MYBPC2: variants seen among roughly 807,000 people sequenced by gnomAD.
MYBPC2 encodes myosin-binding protein C, fast-type.
Under a neutral mutation model 137.0 loss-of-function variants are expected in MYBPC2, and 122 were observed. That is an observed-to-expected ratio of 0.89 (90% CI 0.77 to 1.03). The LOEUF is 1.03. MYBPC2 is among the 50% of genes least tolerant of loss of function. The probability of loss-of-function intolerance (pLI) is 0.00; values close to 1 mark genes in which losing one functional copy is unlikely to be tolerated. For synonymous variants in MYBPC2, 626 were observed against 612.3 expected (o/e 1.02, Z -0.33); for missense variants, 1,500 against 1,534.4 (o/e 0.98, Z 0.37).
intron 17 of MYBPC2, 40 bp from the exon 18 acceptor site, chr19:50,454,225 G>A: frequency 6.2e-7 from 1 of 1,613,806 alleles, no homozygotes; most frequent in South Asian, 1.1e-5. Context: ...GTGACTCCCT[G>A]AGGCCTCGAG....
chr19:50,451,427 G>C, intron 15 of MYBPC2, 118 bp downstream of exon 15: 1 of 961,950 alleles, frequency 1.0e-6, no homozygotes. Context: ...GGGTGCGGGA[G>C]GATGAGTGGG....
In MYBPC2 at chr19:50,464,102, TACAA is replaced by T. The variant is rs1164825717; in HGVS notation, c.3229-240_3229-237del. The T allele has an allele frequency of 1.4e-5, 6 of 433,862 alleles. No homozygotes were observed. The Admixed American group carries it at 2.3e-4, about 17-fold the overall frequency. The allele number at this position is 433,862 out of a possible 1,614,324, so 26.9% of individuals were successfully genotyped here. ...AAGAGTGTGGGACCCTGTGGGCCAC[TACAA>T]ACAGTGAGCTCTTTGTCCTGAGAGC... On this transcript the variant is annotated intron_variant, in intron 26 of 27. Transcript: ENST00000357701.
intron 14 of MYBPC2, 49 bp downstream of exon 14, chr19:50,450,984 G>A (rs899686493): frequency 1.3e-5 from 20 of 1,496,956 alleles, no homozygotes; most frequent in South Asian, 2.4e-5. Flanking sequence ...ATCCACCCTC[G>A]CAGACCCAGG....
In MYBPC2 at chr19:50,452,492, GTATGTATGTATGTATGTATC is replaced by G. The variant is rs1255507325; in HGVS notation, c.1749+493_1749+512del. Among the ~76,000 whole-genome samples, 528 of 123,092 alleles carry G rather than the reference GTATGTATGTATGTATGTATC, an allele frequency of 4.3e-3. 2 individuals carry two copies. The highest frequency in any genetic ancestry group is 0.01 in the African/African-American group (350 of 34,648). 80.8% of individuals were successfully genotyped at this position (123,092 alleles called of 152,430 possible). A position where few individuals can be genotyped will look rare whatever the true frequency, so the allele number is the denominator to read the frequency against. ...TGTATGTATGTATGTATGTATGTATGTATGTATGTATGTATGTATCTATCTATCTATCTATCTATCTATCT... is the reference window on the plus strand; with the variant it reads ...TGTATGTATGTATGTATGTATGTATGTATCTATCTATCTATCTATCTATCT... On this transcript the variant is annotated intron_variant, in intron 16 of 27. Coordinates refer to ENST00000357701, the MANE Select transcript of MYBPC2 (RefSeq NM_004533.4).
At chr19:50,458,858 T>A (rs751893892) in intron 21 of MYBPC2, 60 bp from the exon 22 acceptor site, 348 of 1,595,174 alleles carry the variant, frequency 2.2e-4, no homozygotes, top group Non-Finnish European at 2.8e-4. Context: ...TTATCACCAT[T>A]GGCCCCTGGA....
rs761860300 is a variant in MYBPC2 at position 50,455,282 on chromosome 19, C to T, written c.2189C>T (p.Pro730Leu). The change falls in exon 19 of 28, where the codon CCT becomes CTT. Residue 730 changes from proline (P) to leucine (L), a missense_variant. By Grantham distance (98) the Pro-to-Leu change is moderately conservative. Coordinates refer to ENST00000357701, the MANE Select transcript of MYBPC2 (RefSeq NM_004533.4). ...GVSQPSMNTKPFMPIAPTSEP... is the reference protein window; with the variant it reads ...GVSQPSMNTKLFMPIAPTSEP... ...TCCCAGCCCAGCATGAACACCAAGC[C>T]TTTTATGCCTATTGGTAATGTCCTC... 12 of 1,613,414 alleles carry T rather than the reference C, an allele frequency of 7.4e-6. No individual in the cohort carries two copies. The highest frequency in any genetic ancestry group is 1.0e-5 in the Non-Finnish European group (12 of 1,179,520).
chr19:50,466,242 A>G lies in MYBPC2; in HGVS notation c.*37A>G. On this transcript the variant is annotated 3_prime_UTR_variant, in exon 28 of 28. Transcript: ENST00000357701. This position sits in a 1 kb window ranked among gnomAD's most constrained non-coding sequence, Gnocchi z 4.9. The stretch of plus-strand genomic sequence containing the variant: ...TACCTGCCAAGACAATTGGTGGTGG[A>G]GTCCTGACCCCAATCCCCAACCTCC... The G allele has an allele frequency of 6.2e-7, 1 of 1,613,762 alleles. No homozygotes were observed.
chr19:50,440,987 A>G lies in MYBPC2; in HGVS notation c.680A>G (p.Glu227Gly). The G allele has an allele frequency of 6.2e-7, 1 of 1,613,432 alleles. No individual in the cohort carries two copies. Among genetic ancestry groups the G allele is most frequent in the Non-Finnish European group, 8.5e-7 (1 of 1,179,650 alleles). The stretch of plus-strand genomic sequence containing the variant: ...AAAGGGGCAAAGAAGAGCGAGTACG[A>G]GAAAATCGCCTTCCAGTATGGCATC... The part of the protein sequence containing the change: ...LLKGAKKSEY[E>G]KIAFQYGITD... Residue 227 changes from glutamate to glycine, a missense_variant, in exon 8 of 28, where the codon GAG (glutamate) becomes GGG (glycine). Physicochemically the swap from Glu to Gly is moderately conservative, Grantham distance 98. Coordinates refer to ENST00000357701, the MANE Select transcript of MYBPC2 (RefSeq NM_004533.4).
chr19:50,435,207 C>T lies in MYBPC2; in HGVS notation c.66C>T (p.Pro22=), dbSNP rs529993207. 7.9e-6 allele frequency: 11 copies of T among 1,395,486 alleles called. No individual in the cohort carries two copies. In the African/African-American group the frequency reaches 1.6e-4, roughly 20 times the overall value. 86.4% of individuals were successfully genotyped at this position (1,395,486 alleles called of 1,614,324 possible). A position where few individuals can be genotyped will look rare whatever the true frequency, so the allele number is the denominator to read the frequency against. Residue 22 remains proline, a synonymous_variant, in exon 2 of 28, where the codon CCC becomes CCT. Coordinates refer to ENST00000357701, the MANE Select transcript of MYBPC2 (RefSeq NM_004533.4). This position sits in a 1 kb window ranked among gnomAD's most constrained non-coding sequence, Gnocchi z 4.8. ...PKGKDAPKGA[P]KEAPPKEAPA... ...GCAAAGATGCCCCCAAAGGAGCCCC[C>T]AAGGAGGCTCCCCCTAAGGAGGCTC...
Position 50,455,256 on chromosome 19 carries a change from C to T in MYBPC2, c.2163C>T (p.Val721=). 6.2e-7 allele frequency: 1 copy of T among 1,613,820 alleles called. No homozygotes were observed. The highest frequency in any genetic ancestry group is 8.5e-7 in the Non-Finnish European group (1 of 1,179,850). ...MRVFAVNAIG[V]SQPSMNTKPF... is the part of the protein sequence containing the mutation. ...TCTTCGCCGTCAATGCTATAGGGGT[C>T]TCCCAGCCCAGCATGAACACCAAGC... Residue 721 remains valine, a synonymous_variant, in exon 19 of 28, where the codon GTC becomes GTT. Transcript: ENST00000357701.
intron 19 of MYBPC2, 43 bp downstream of exon 19, chr19:50,455,339 T>A: frequency 6.3e-7 from 1 of 1,592,246 alleles, no homozygotes; most frequent in South Asian, 1.1e-5. Context: ...TAATGATGGA[T>A]CACTCTGATC....
chr19:50,455,404 T>C (rs933434001), intron 19 of MYBPC2, 106 bp from the exon 20 acceptor site: 4 of 1,558,704 alleles, frequency 2.6e-6, no homozygotes, highest in African/African-American at 2.7e-5. Flanking sequence ...TCTCTGACCC[T>C]ACCCCCTGGC....
chr19:50,440,822 A>G (rs2039746720), intron 7 of MYBPC2, 58 bp from the exon 8 acceptor site: 1 of 1,516,430 alleles, frequency 6.6e-7, no homozygotes, highest in Admixed American at 2.0e-5. Context: ...AAGAAGGCAG[A>G]GGGACATCCT....
Position 50,435,706 on chromosome 19 carries a change from C to T in MYBPC2, c.110-70C>T. The T allele has an allele frequency of 7.5e-7, 1 of 1,331,664 alleles. No individual in the cohort carries two copies. The highest frequency in any genetic ancestry group is 1.4e-5 in the South Asian group (1 of 71,436). The allele number at this position is 1,331,664 out of a possible 1,614,324, so 82.5% of individuals were successfully genotyped here. On this transcript the variant is annotated intron_variant, in intron 2 of 27. Transcript: ENST00000357701. The surrounding 1 kb of genome is among the most constrained non-coding windows in gnomAD (Gnocchi z 4.8). ...CCCTCACTGTCTCTAAGTCCTTTCC[C>T]CAAAGCGGCCCACTGTCCCCTCCCC...
At chr19:50,444,272 A>G (rs1439020602) in intron 11 of MYBPC2, among the ~76,000 whole-genome samples, 1 of 144,024 alleles carries the variant, frequency 6.9e-6, no homozygotes, top group Non-Finnish European at 1.5e-5. Context: ...CCATCTACTT[A>G]ACCATCTGTC....
Position 50,455,490 on chromosome 19 carries a change from C to G in MYBPC2, c.2204-20C>G, listed in dbSNP as rs1302416033. Reference sequence around the variant, plus strand: ...TGACCCCTCATTCCCCCCATATCCTCTTTTTCTGGATGCTTGCAGCACCCA... The same window carrying G: ...TGACCCCTCATTCCCCCCATATCCTGTTTTTCTGGATGCTTGCAGCACCCA... On this transcript the variant is annotated intron_variant, in intron 19 of 27. Coordinates refer to ENST00000357701, the MANE Select transcript of MYBPC2 (RefSeq NM_004533.4). The G allele has an allele frequency of 1.2e-6, 2 of 1,608,894 alleles. No homozygotes were observed. The highest frequency in any genetic ancestry group is 2.7e-5 in the African/African-American group (2 of 74,840).
chr19:50,460,015 A>G, intron 23 of MYBPC2, 25 bp from the exon 24 acceptor site: 1 of 1,550,100 alleles, frequency 6.5e-7, no homozygotes, highest in Non-Finnish European at 8.7e-7. Flanking sequence ...ACCTGGACTG[A>G]CTTGTCACAC....
chr19:50,448,153 C>T lies in MYBPC2; in HGVS notation c.1307-72C>T, dbSNP rs1219286446. ...AGTGCCTAGACCAGCGCCTGGCACA[C>T]AGTGGGTGCTCACAAGTGTCTGTGC... On this transcript the variant is annotated intron_variant, in intron 12 of 27. Transcript: ENST00000357701. 5 of 1,508,042 alleles carry T rather than the reference C, an allele frequency of 3.3e-6. No individual in the cohort carries two copies. In the Admixed American group the frequency reaches 8.6e-5, roughly 26 times the overall value. The allele number at this position is 1,508,042 out of a possible 1,614,324, so 93.4% of individuals were successfully genotyped here. A position where few individuals can be genotyped will look rare whatever the true frequency, so the allele number is the denominator to read the frequency against.
intron 14 of MYBPC2, 139 bp from the exon 15 acceptor site, chr19:50,451,141 C>T (rs1018639058): frequency 8.8e-7 from 1 of 1,131,834 alleles, no homozygotes; most frequent in African/African-American, 1.5e-5. Flanking sequence ...AGGGGTGGCT[C>T]CTGGGCCTGA....
Sources: gnomAD v4.1 joint callset for allele counts (sites outside exome capture counted in the v4.1 genomes callset) on GRCh38, gnomAD v4.1.1 for gene constraint, Gnocchi (gnomAD v3.1) non-coding constraint, MANE v1.5 for transcripts, NCBI Gene and HGNC (gene_info 2026-07-23, HGNC 2026-07-21) for gene names.